The following NDE1 variants were observed in gnomAD, a reference collection of about 807,000 sequenced individuals.
NDE1 encodes nuclear distribution protein nudE homolog 1.
Under a neutral mutation model 43.4 loss-of-function variants are expected in NDE1, and 28 were observed. That is an observed-to-expected ratio of 0.65 (90% CI 0.48 to 0.89). NDE1 has a LOEUF of 0.89. Ranked by LOEUF, NDE1 falls within the 40% of genes least tolerant of loss-of-function variation. NDE1 has a pLI of 0.00. For missense variants in NDE1, 441 were observed against 434.1 expected, an observed-to-expected ratio of 1.02 and a Z score of -0.14; for synonymous variants, 184 against 172.0, an observed-to-expected ratio of 1.07 and a Z score of -0.55.
At chr16:15,717,376 C>A in intron 8 of NDE1, 1 of 1,601,400 alleles carries the variant, frequency 6.2e-7, no homozygotes, top group South Asian at 1.1e-5. Context: ...GGCCATGAGG[C>A]GGACTCAGGG....
chr16:15,667,185 G>A, intron 2 of NDE1, 101 bp from the exon 3 acceptor site: 1 of 1,326,168 alleles, frequency 7.5e-7, no homozygotes, highest in South Asian at 1.2e-5. Flanking sequence ...AGCAGAGGTT[G>A]CAGTGAGACG....
chr16:15,674,398 C>A (rs2037760087), intron 3 of NDE1, among the ~76,000 whole-genome samples: 1 of 152,048 alleles, frequency 6.6e-6, no homozygotes, highest in African/African-American at 2.4e-5. Context: ...CAACGCACCA[C>A]CACACTCGGC....
intron 8 of NDE1, chr16:15,718,733 C>T: frequency 2.0e-6 from 1 of 512,368 alleles, no homozygotes. Flanking sequence ...TGAATGAAAG[C>T]AGCCACACCC....
intron 7 of NDE1, chr16:15,694,509 C>A (rs1258510850): frequency 8.3e-7 from 1 of 1,201,240 alleles, no homozygotes; most frequent in Non-Finnish European, 1.1e-6. Flanking sequence ...CTATGCCTGG[C>A]TGATACTTTC....
chr16:15,708,374 T>C (rs1385060599), intron 8 of NDE1, among the ~76,000 whole-genome samples: 1 of 152,226 alleles, frequency 6.6e-6, no homozygotes, highest in Non-Finnish European at 1.5e-5. Context: ...TCCAGGAATG[T>C]GCCCAGATAG....
intron 1 of NDE1, among the ~76,000 whole-genome samples, chr16:15,652,864 C>T (rs2036571824): frequency 6.6e-6 from 1 of 152,052 alleles, no homozygotes. Context: ...TGGGGTCTCA[C>T]TATGTTGCCC....
At chr16:15,721,194 C>T (rs1328518029) in intron 8 of NDE1, 11 of 1,010,918 alleles carry the variant, frequency 1.1e-5, no homozygotes, top group Non-Finnish European at 3.0e-6. Context: ...CAAGATGACC[C>T]CTGAGAGTTC....
intron 1 of NDE1, among the ~76,000 whole-genome samples, chr16:15,654,032 G>C (rs1307888051): frequency 6.6e-6 from 1 of 151,936 alleles, no homozygotes; most frequent in East Asian, 1.9e-4. Flanking sequence ...CACCCGGCCG[G>C]AAACAAATTT....
chr16:15,665,192 A>G (rs2037240344), intron 2 of NDE1, among the ~76,000 whole-genome samples: 1 of 152,012 alleles, frequency 6.6e-6, no homozygotes, highest in South Asian at 2.1e-4. Context: ...TTTCTATAAA[A>G]AGAACAGCAA....
intron 8 of NDE1, among the ~76,000 whole-genome samples, chr16:15,707,235 C>T (rs1184908240): frequency 1.3e-5 from 2 of 152,160 alleles, no homozygotes; most frequent in Non-Finnish European, 2.9e-5. Flanking sequence ...CGGGGTTTTA[C>T]CATGTTGGCC....
At chr16:15,645,422 G>A (rs772546958), upstream of NDE1, among the ~76,000 whole-genome samples, 11 of 152,108 alleles carry the variant, frequency 7.2e-5, no homozygotes, top group Non-Finnish European at 1.5e-4. Context: ...TTGAGGCTTG[G>A]TGTTTAAAAC....
intron 8 of NDE1, chr16:15,714,507 G>A (rs375450455): frequency 3.0e-6 from 1 of 329,904 alleles, no homozygotes; most frequent in Non-Finnish European, 5.8e-6. Flanking sequence ...GTGCTGAGGG[G>A]GAGAAAGGAG....
rs1555551728 is a variant in NDE1, at chr16:15,720,216, C to G, written c.948-3975C>G. The G allele has an allele frequency of 1.2e-6, 2 of 1,613,990 alleles. No homozygotes were observed. The highest frequency in any genetic ancestry group is 1.7e-6 in the Non-Finnish European group (2 of 1,180,030). ...TTGATGGCAGAGTCGGCCTGAAGCT[C>G]CAGGTCTTTCAGGTCCCCTTCCAGC... On this transcript the variant is annotated intron_variant, in intron 8 of 8. Transcript: ENST00000396354.
intron 4 of NDE1, chr16:15,686,652 T>G (rs1596611510): frequency 1.7e-6 from 1 of 582,744 alleles, no homozygotes; most frequent in Non-Finnish European, 2.2e-6. Context: ...CACTTCGGCC[T>G]GAGAGACACA....
chr16:15,712,242 A>G (rs2039843032), intron 8 of NDE1, among the ~76,000 whole-genome samples: 1 of 152,132 alleles, frequency 6.6e-6, no homozygotes, highest in Non-Finnish European at 1.5e-5. Flanking sequence ...GGGTGGTCTG[A>G]GGTTCTAGGA....
At chr16:15,695,712 G>C (rs1179710023) in intron 7 of NDE1, 1 of 985,020 alleles carries the variant, frequency 1.0e-6, no homozygotes, top group Non-Finnish European at 1.2e-6. Context: ...CTTAATAGAA[G>C]CTTGCAACTC....
intron 1 of NDE1, among the ~76,000 whole-genome samples, chr16:15,652,245 G>C (rs1226781574): frequency 6.6e-6 from 1 of 152,056 alleles, no homozygotes; most frequent in Non-Finnish European, 1.5e-5. Flanking sequence ...TTGCTTTGTT[G>C]CCCAGGCTGG....
chr16:15,696,386 C>CA lies in NDE1; in HGVS notation c.796-312dup, dbSNP rs5815840. Among the ~76,000 whole-genome samples, 61,840 of 145,628 alleles carry CA rather than the reference C, an allele frequency of 0.42. 14,312 individuals carry two copies. Among genetic ancestry groups the CA allele is most frequent in the Middle Eastern group, 0.55 (157 of 286 alleles). On this transcript the variant is annotated intron_variant, in intron 7 of 8. Coordinates refer to ENST00000396354, the MANE Select transcript of NDE1 (RefSeq NM_017668.3). ...GCGTCTAAAAAAGTAAAAAACAAAACAAAAAAAAAAACTGAGATGGGATCT... is the reference window on the plus strand; with the variant it reads ...GCGTCTAAAAAAGTAAAAAACAAAACAAAAAAAAAAAACTGAGATGGGATCT...
At chr16:15,702,275 T>G (rs1401575952) in intron 8 of NDE1, among the ~76,000 whole-genome samples, 1 of 152,226 alleles carries the variant, frequency 6.6e-6, no homozygotes, top group East Asian at 1.9e-4. Context: ...CAGCTTGTTT[T>G]TATGGCCCTT....
Sources: allele counts gnomAD v4.1 joint callset (sites outside exome capture counted in the v4.1 genomes callset), GRCh38; gene constraint gnomAD v4.1.1; transcripts MANE v1.5; gene names NCBI Gene and HGNC (gene_info 2026-07-23, HGNC 2026-07-21).